The following PKLR variants were observed in gnomAD, a reference collection of about 807,000 sequenced individuals.
PKLR encodes pyruvate kinase PKLR.
In PKLR, 38 loss-of-function variants were observed where a neutral mutation model predicts 53.6. The observed-to-expected ratio is 0.71, with a 90% CI of 0.55 to 0.93. PKLR has a LOEUF of 0.93. PKLR is among the 40% of genes least tolerant of loss of function. The pLI, the probability that PKLR is intolerant of heterozygous loss-of-function variation, is 0.00. For missense variants in PKLR, 702 were observed against 787.3 expected (o/e 0.89, Z 1.30); for synonymous variants, 328 against 316.2 (o/e 1.04, Z -0.39).
upstream of PKLR, among the ~76,000 whole-genome samples, chr1:155,302,298 G>A (rs1378975947): frequency 6.8e-6 from 1 of 146,602 alleles, no homozygotes. Context: ...GTGCAGTGGC[G>A]TGATCTTGGC....
At chr1:155,292,467 C>A (rs1028431520) in intron 9 of PKLR, among the ~76,000 whole-genome samples, 2 of 152,194 alleles carry the variant, frequency 1.3e-5, no homozygotes, top group Middle Eastern at 6.8e-3. Flanking sequence ...GAAACCCTGT[C>A]TCTACTAAAA....
At chr1:155,300,339 G>T in intron 1 of PKLR, 59 bp from the exon 2 acceptor site, 1 of 1,379,282 alleles carries the variant, frequency 7.3e-7, no homozygotes, top group Non-Finnish European at 1.0e-6. Context: ...CCATGCCTTC[G>T]TCTCTCAGCA....
chr1:155,305,033 G>A (rs150116823), upstream of PKLR, among the ~76,000 whole-genome samples: 894 of 152,260 alleles, frequency 5.9e-3, 3 homozygotes, highest in Admixed American at 8.2e-3. Flanking sequence ...CATAGGAGAT[G>A]AGATGGAGAG....
chr1:155,291,100 C>T (rs116547266), intron 10 of PKLR, among the ~76,000 whole-genome samples: 3,352 of 151,930 alleles, frequency 0.022, 124 homozygotes, highest in African/African-American at 0.078. Context: ...GTAACGAGAA[C>T]CAGCCACCAC....
Position 155,291,859 on chromosome 1 carries a change from C to T in PKLR, c.1515G>A (p.Gln505=). 1.2e-6 allele frequency: 2 copies of T among 1,614,056 alleles called. No individual in the cohort carries two copies. Among genetic ancestry groups the T allele is most frequent in the Non-Finnish European group, 8.5e-7 (1 of 1,180,004 alleles). The change falls in exon 10 of 11, where the codon CAG becomes CAA. Residue 505 remains glutamine, a synonymous_variant. Coordinates refer to ENST00000342741, the MANE Select transcript of PKLR (RefSeq NM_000298.6). The part of the protein sequence containing the change: ...AVTRSAQAAR[Q]VHLCRGVFPL... ...GGAAGACTCCTCGGCATAAGTGGACCTGGCGGGCAGCCTGGGCAGAGCGGG... is the reference window on the plus strand; with the variant it reads ...GGAAGACTCCTCGGCATAAGTGGACTTGGCGGGCAGCCTGGGCAGAGCGGG...
Position 155,293,384 on chromosome 1 carries a change from G to A in PKLR, c.1270-41C>T. The stretch of plus-strand genomic sequence containing the variant: ...TGTTAGTCTGGGAAGGGGCACTGGG[G>A]TATGGAAGGGATTTGGTTCCCTGGC... On this transcript the variant is annotated intron_variant, in intron 8 of 10. Transcript: ENST00000342741. This position sits in a 1 kb window ranked among gnomAD's most constrained non-coding sequence, Gnocchi z 4.2. 1 of 1,614,190 alleles carries A rather than the reference G, an allele frequency of 6.2e-7. No homozygotes were observed. Among genetic ancestry groups the A allele is most frequent in the Non-Finnish European group, 8.5e-7 (1 of 1,180,016 alleles).
chr1:155,291,737 G>T lies in PKLR; in HGVS notation c.1618+19C>A, dbSNP rs1318303282. ...TGATACAAATGGTAGGAGTGGCAGG[G>T]AAGGTCTAGGTAGCTCACCACTTTC... On this transcript the variant is annotated intron_variant, in intron 10 of 10. Transcript: ENST00000342741. The T allele has an allele frequency of 1.2e-6, 2 of 1,611,176 alleles. No individual in the cohort carries two copies. Among genetic ancestry groups the T allele is most frequent in the East Asian group, 2.2e-5 (1 of 44,878 alleles).
intron 9 of PKLR, among the ~76,000 whole-genome samples, chr1:155,292,238 T>G (rs1572052555): frequency 1.5e-5 from 1 of 66,810 alleles, no homozygotes; most frequent in African/African-American, 1.1e-4. Flanking sequence ...ATCTCTGCAT[T>G]AAGAAAAAAA....
At chr1:155,304,890 G>T (rs894747329), upstream of PKLR, among the ~76,000 whole-genome samples, 2 of 152,198 alleles carry the variant, frequency 1.3e-5, no homozygotes, top group African/African-American at 4.8e-5. Context: ...TAGAAAGAAG[G>T]TAGGATCAAC....
chr1:155,295,732 CG>C lies in PKLR; in HGVS notation c.307del (p.Arg103AlafsTer5), dbSNP rs1433205059. On this transcript the variant is annotated frameshift_variant, in exon 3 of 11. Transcript: ENST00000342741. LOFTEE classifies it high-confidence loss of function. The surrounding 1 kb of genome is among the most constrained non-coding windows in gnomAD (Gnocchi z 4.3). ...CCCGGCCTTGATCATCTCCTTGAGG[CG>C]CTCCACGGAGCGAGATGCTGGCCCT... ...TIGPASRSVE[R>X]LKEMIKAGMN... 1 of 1,613,938 alleles carries C rather than the reference CG, an allele frequency of 6.2e-7. No individual in the cohort carries two copies. The highest frequency in any genetic ancestry group is 1.7e-5 in the Admixed American group (1 of 60,010).
chr1:155,289,524 A>G lies in PKLR; in HGVS notation c.*1048T>C, dbSNP rs892513467. On this transcript the variant is annotated 3_prime_UTR_variant, in exon 11 of 11. Coordinates refer to ENST00000342741, the MANE Select transcript of PKLR (RefSeq NM_000298.6). The stretch of plus-strand genomic sequence containing the variant: ...AGGAGGAGCCACATGAGAGAGGGAG[A>G]AGGACCGCGTTTACCTTTAGAGTTT... 4 of 152,326 alleles carry G rather than the reference A, an allele frequency of 2.6e-5. No homozygotes were observed. The highest frequency in any genetic ancestry group is 9.7e-5 in the African/African-American group (4 of 41,410). The allele number at this position is 152,326 out of a possible 1,614,324, so 9.4% of individuals were successfully genotyped here.
At chr1:155,307,225 A>G in the PKLR span, among the ~76,000 whole-genome samples, 1 of 152,170 alleles carries the variant, frequency 6.6e-6, no homozygotes, top group Non-Finnish European at 1.5e-5. Context: ...GTTTTGTCCA[A>G]TTCTTTGTTC....
chr1:155,308,602 C>T, the PKLR span: 1 of 985,456 alleles, frequency 1.0e-6, no homozygotes, highest in Non-Finnish European at 1.2e-6. Context: ...GTAAGACAGG[C>T]AGCCAAAGCC....
chr1:155,304,463 C>T, upstream of PKLR, among the ~76,000 whole-genome samples: 1 of 123,358 alleles, frequency 8.1e-6, no homozygotes, highest in South Asian at 2.6e-4. Context: ...AAAAAAAGAA[C>T]AGATGGTAGG....
At chr1:155,303,034 T>C, upstream of PKLR, among the ~76,000 whole-genome samples, 1 of 152,190 alleles carries the variant, frequency 6.6e-6, no homozygotes, top group Non-Finnish European at 1.5e-5. Flanking sequence ...TTCAAATTTC[T>C]TAAACACTCC....
In PKLR at chr1:155,291,226, G is replaced by A. The variant is rs187072667; in HGVS notation, c.1618+530C>T. On this transcript the variant is annotated intron_variant, in intron 10 of 10. Transcript: ENST00000342741. ...TTAAAGGTGTAAGAGATGCCAGCAC[G>A]GTGGCTGACGCCTGTAATCCCAGCA... 2.5e-4 allele frequency among the ~76,000 whole-genome samples: 38 copies of A among 152,070 alleles called. No homozygotes were observed. In the East Asian group the frequency reaches 6.4e-3, roughly 26 times the overall value.
upstream of PKLR, among the ~76,000 whole-genome samples, chr1:155,302,850 T>G (rs944960761): frequency 5.9e-5 from 9 of 152,120 alleles, no homozygotes; most frequent in Admixed American, 3.9e-4. Flanking sequence ...TTTTTAAATT[T>G]TTATTTATTA....
At position 155,294,386 on chromosome 1, in the gene PKLR, C is replaced by T; in HGVS notation, c.966-1G>A. On this transcript the variant is annotated splice_acceptor_variant, in intron 6 of 10. Transcript: ENST00000342741. LOFTEE classifies it high-confidence loss of function. Reference sequence around the variant, plus strand: ...GCTCACCTCCAGGATTTCATCAAACCTGAGAGGTTGGGAGAATCAAGGCAG... The same window carrying T: ...GCTCACCTCCAGGATTTCATCAAACTTGAGAGGTTGGGAGAATCAAGGCAG... 6.2e-7 allele frequency: 1 copy of T among 1,614,184 alleles called. No homozygotes were observed. The highest frequency in any genetic ancestry group is 8.5e-7 in the Non-Finnish European group (1 of 1,180,040).
Position 155,301,425 on chromosome 1 carries a change from C to A in PKLR, c.-30G>T, listed in dbSNP as rs756692982. ...TCAGTGTGGGCCTGGGGCTGCGGGA[C>A]CATGGAATGAGAGGGAGAGGATGAC... On this transcript the variant is annotated 5_prime_UTR_variant, in exon 1 of 11. Coordinates refer to ENST00000342741, the MANE Select transcript of PKLR (RefSeq NM_000298.6). 3.7e-5 allele frequency: 59 copies of A among 1,613,826 alleles called. No homozygotes were observed. The highest frequency in any genetic ancestry group is 5.3e-5 in the African/African-American group (4 of 74,820).
Sources: allele counts gnomAD v4.1 joint callset (sites outside exome capture counted in the v4.1 genomes callset), GRCh38; gene constraint gnomAD v4.1.1; non-coding constraint Gnocchi (gnomAD v3.1); transcripts MANE v1.5; gene names NCBI Gene and HGNC (gene_info 2026-07-23, HGNC 2026-07-21).